The following STARD9 variants were observed in gnomAD, a reference collection of about 807,000 sequenced individuals.
The protein encoded by STARD9 is StAR related lipid transfer domain containing 9.
STARD9 carries 346 observed loss-of-function variants against 399.8 expected under a neutral mutation model. That is an observed-to-expected ratio of 0.87 (90% CI 0.79 to 0.95). STARD9 has a LOEUF of 0.95. Ranked by LOEUF, STARD9 falls within the 40% of genes least tolerant of loss-of-function variation. The probability of loss-of-function intolerance (pLI) is 0.00; values close to 1 mark genes in which losing one functional copy is unlikely to be tolerated. For missense variants in STARD9, 5,832 were observed against 5,667.5 expected, an observed-to-expected ratio of 1.03 and a Z score of -0.93; for synonymous variants, 2,203 against 2,143.5, an observed-to-expected ratio of 1.03 and a Z score of -0.77.
Position 42,710,890 on chromosome 15 carries a change from GCTCT to G in STARD9, c.13285-5766_13285-5763del, listed in dbSNP as rs34768575. 3.7e-3 allele frequency among the ~76,000 whole-genome samples: 488 copies of G among 133,662 alleles called. 2 individuals carry two copies. Among genetic ancestry groups the G allele is most frequent in the East Asian group, 0.035 (171 of 4,928 alleles). 87.7% of individuals were successfully genotyped at this position (133,662 alleles called of 152,430 possible). The stretch of plus-strand genomic sequence containing the variant: ...ATGACATTCTTGCTCTCACTTGTGC[GCTCT>G]CTCTCTCTCTCTCTCTCTCTGTGTG... On this transcript the variant is annotated intron_variant, in intron 26 of 32. Transcript: ENST00000290607.
At chr15:42,698,748 G>A (rs545194366) in intron 26 of STARD9, among the ~76,000 whole-genome samples, 2 of 152,090 alleles carry the variant, frequency 1.3e-5, no homozygotes, top group African/African-American at 4.8e-5. Context: ...GTTTCTTCTA[G>A]AACTTCTGTG....
rs1334748418 is a variant in STARD9, at chr15:42,687,417, T to C, written c.5839T>C (p.Leu1947=). The C allele has an allele frequency of 6.5e-7, 1 of 1,537,096 alleles. No homozygotes were observed. The highest frequency in any genetic ancestry group is 2.4e-5 in the East Asian group (1 of 40,916). ...CATGCCAGGGGAAAGTGCTGTTTCTTTGAAATCCAGATCAGTAGATCGTAG... is the reference window on the plus strand; with the variant it reads ...CATGCCAGGGGAAAGTGCTGTTTCTCTGAAATCCAGATCAGTAGATCGTAG... The part of the protein sequence containing the change: ...KDMPGESAVS[L]KSRSVDRRVS... Residue 1947 remains leucine (L), a synonymous_variant, in exon 23 of 33, where the codon TTG becomes CTG. Coordinates refer to ENST00000290607, the MANE Select transcript of STARD9 (RefSeq NM_020759.3).
intron 26 of STARD9, among the ~76,000 whole-genome samples, chr15:42,710,905 C>T (rs2061202555): frequency 8.0e-6 from 1 of 125,720 alleles, no homozygotes; most frequent in Admixed American, 6.8e-5. Flanking sequence ...CTCTCTCTCT[C>T]TCTCTCTCTG....
chr15:42,685,114 C>G lies in STARD9; in HGVS notation c.3536C>G (p.Thr1179Ser). 1 of 1,537,246 alleles carries G rather than the reference C, an allele frequency of 6.5e-7. No homozygotes were observed. The highest frequency in any genetic ancestry group is 8.7e-7 in the Non-Finnish European group (1 of 1,146,934). Residue 1179 changes from threonine to serine, a missense_variant, in exon 23 of 33, where the codon ACT becomes AGT. By Grantham distance (58) the Thr-to-Ser change is moderately conservative. Coordinates refer to ENST00000290607, the MANE Select transcript of STARD9 (RefSeq NM_020759.3). ...TNNRGQPRTR[T>S]RASVRGFTAA... Reference sequence around the variant, plus strand: ...AACCGTGGCCAACCCAGGACCAGAACTAGAGCTTCTGTGAGGGGCTTCACT... The same window carrying G: ...AACCGTGGCCAACCCAGGACCAGAAGTAGAGCTTCTGTGAGGGGCTTCACT...
At chr15:42,696,635 A>C (rs1347053734) in intron 26 of STARD9, among the ~76,000 whole-genome samples, 1 of 151,892 alleles carries the variant, frequency 6.6e-6, no homozygotes, top group African/African-American at 2.4e-5. Flanking sequence ...GCTGTGGGAG[A>C]CCTCCTAGAT....
At position 42,717,867 on chromosome 15, in the gene STARD9, C is replaced by G. The variant is rs1294649484; in HGVS notation, c.13559+72C>G. 3 of 1,507,518 alleles carry G rather than the reference C, an allele frequency of 2.0e-6. No homozygotes were observed. The African/African-American group carries it at 4.1e-5, about 21-fold the overall frequency. 93.4% of individuals were successfully genotyped at this position (1,507,518 alleles called of 1,614,324 possible). A position where few individuals can be genotyped will look rare whatever the true frequency, so the allele number is the denominator to read the frequency against. On this transcript the variant is annotated intron_variant, in intron 29 of 32. Coordinates refer to ENST00000290607, the MANE Select transcript of STARD9 (RefSeq NM_020759.3). ...TGTCACCCTGCTTGGCTTCTCTCCT[C>G]CTTTCCCTTACCTGGATTCCTCAAG...
chr15:42,681,262 C>T (rs1242167918), intron 20 of STARD9, among the ~76,000 whole-genome samples, 160 bp from the exon 21 acceptor site: 10 of 152,158 alleles, frequency 6.6e-5, no homozygotes, highest in Non-Finnish European at 1.3e-4. Context: ...CGTAAGCTGC[C>T]TGTGACACCA....
At position 42,685,536 on chromosome 15, in the gene STARD9, T is replaced by G; in HGVS notation, c.3958T>G (p.Ser1320Ala). 6.5e-7 allele frequency: 1 copy of G among 1,537,610 alleles called. No individual in the cohort carries two copies. Among genetic ancestry groups the G allele is most frequent in the Non-Finnish European group, 8.7e-7 (1 of 1,146,988 alleles). ...VEPSYSEQAD[S>A]LQGMQLSRES... ...GCCAAGCTACTCTGAACAAGCCGACTCTCTCCAAGGCATGCAGCTTTCAAG... is the reference window on the plus strand; with the variant it reads ...GCCAAGCTACTCTGAACAAGCCGACGCTCTCCAAGGCATGCAGCTTTCAAG... The change falls in exon 23 of 33, where the codon TCT (serine) becomes GCT (alanine). Residue 1320 changes from serine to alanine, a missense_variant. Physicochemically the swap from Ser to Ala is moderately conservative, Grantham distance 99. Coordinates refer to ENST00000290607, the MANE Select transcript of STARD9 (RefSeq NM_020759.3).
chr15:42,717,905 G>T, intron 29 of STARD9, 72 bp from the exon 30 acceptor site: 4 of 1,505,808 alleles, frequency 2.7e-6, no homozygotes, highest in Non-Finnish European at 3.6e-6. Context: ...TTCACTCTGA[G>T]CCCCTCCTTT....
In STARD9 at chr15:42,684,248, C is replaced by T. The variant is rs1176809600; in HGVS notation, c.2670C>T (p.Leu890=). The T allele has an allele frequency of 3.3e-6, 5 of 1,537,290 alleles. No individual in the cohort carries two copies. Among genetic ancestry groups the T allele is most frequent in the Non-Finnish European group, 2.6e-6 (3 of 1,146,918 alleles). The change falls in exon 23 of 33, where the codon CTC becomes CTT. Residue 890 remains leucine (L), a synonymous_variant. Transcript: ENST00000290607. ...AASYPARTGC[L]RKNGLHSSGH... is the part of the protein sequence containing the mutation. ...CCTACCCTGCAAGGACAGGGTGCCT[C>T]CGCAAGAACGGCCTGCATTCCTCAG...
At chr15:42,625,682 A>C (rs867360175) in intron 3 of STARD9, among the ~76,000 whole-genome samples, 2 of 149,650 alleles carry the variant, frequency 1.3e-5, no homozygotes, top group Non-Finnish European at 1.5e-5. Flanking sequence ...AAGAAAAACT[A>C]ATGAAGAACT....
At chr15:42,714,318 G>A (rs1330342054) in intron 26 of STARD9, among the ~76,000 whole-genome samples, 3 of 151,956 alleles carry the variant, frequency 2.0e-5, no homozygotes, top group Admixed American at 6.6e-5. Context: ...CACCCGCCTC[G>A]GCCTACCAAA....
intron 26 of STARD9, among the ~76,000 whole-genome samples, chr15:42,714,850 CTT>C (rs1218451498): frequency 1.4e-5 from 2 of 146,646 alleles, no homozygotes; most frequent in Non-Finnish European, 3.0e-5. Context: ...CTGATGCAAT[CTT>C]TTTTTTTTTC....
intron 9 of STARD9, among the ~76,000 whole-genome samples, chr15:42,658,939 C>G (rs1236777950): frequency 2.0e-5 from 3 of 151,966 alleles, no homozygotes; most frequent in Admixed American, 2.0e-4. Flanking sequence ...TGGTGAAAAC[C>G]CTGTCTCTAC....
intron 3 of STARD9, among the ~76,000 whole-genome samples, chr15:42,618,179 C>CTGGA (rs945915261): frequency 2.0e-4 from 31 of 152,250 alleles, no homozygotes; most frequent in African/African-American, 7.5e-4. Context: ...GTCTCCCAGG[C>CTGGA]TGGAGTGCAG....
At chr15:42,649,176 C>T (rs1479518579) in intron 7 of STARD9, among the ~76,000 whole-genome samples, 8 of 152,040 alleles carry the variant, frequency 5.3e-5, no homozygotes, top group African/African-American at 9.7e-5. Context: ...ATTACAGTCG[C>T]GCACCACCAC....
chr15:42,588,216 G>T (rs1022244357), intron 3 of STARD9, among the ~76,000 whole-genome samples: 1 of 151,994 alleles, frequency 6.6e-6, no homozygotes, highest in Non-Finnish European at 1.5e-5. Context: ...TTATGTGTGT[G>T]TGTGTGTGTG....
intron 26 of STARD9, among the ~76,000 whole-genome samples, chr15:42,711,388 G>A (rs891366580): frequency 6.6e-5 from 10 of 152,068 alleles, no homozygotes; most frequent in African/African-American, 9.7e-5. Flanking sequence ...TGATCCACTC[G>A]CTTCAGCCTC....
At chr15:42,637,657 G>A (rs2059444238) in intron 4 of STARD9, among the ~76,000 whole-genome samples, 1 of 152,040 alleles carries the variant, frequency 6.6e-6, no homozygotes, top group Non-Finnish European at 1.5e-5. Context: ...TGGGTTTGCC[G>A]GCTTCTCCTC....
Sources: gnomAD v4.1 joint callset for allele counts (sites outside exome capture counted in the v4.1 genomes callset) on GRCh38, gnomAD v4.1.1 for gene constraint, MANE v1.5 for transcripts, NCBI Gene and HGNC (gene_info 2026-07-23, HGNC 2026-07-21) for gene names.